ARRDC1: variants seen among roughly 807,000 people sequenced by gnomAD.
The protein encoded by ARRDC1 is arrestin domain containing 1, also known as arrestin domain-containing protein 1.
A neutral mutation model predicts 40.1 loss-of-function variants in ARRDC1; 37 were observed. The observed-to-expected ratio is 0.92, with a 90% CI of 0.71 to 1.21. ARRDC1 has a LOEUF of 1.21. Ranked by LOEUF, ARRDC1 falls within the 50% of genes most tolerant of loss-of-function variation. The probability of loss-of-function intolerance (pLI) is 0.00; values close to 1 mark genes in which losing one functional copy is unlikely to be tolerated. For missense variants in ARRDC1, 641 were observed against 581.9 expected (o/e 1.10, Z -1.04); for synonymous variants, 310 against 262.5 (o/e 1.18, Z -1.75).
Position 137,613,010 on chromosome 9 carries a change from A to G in ARRDC1, c.229+4A>G. 1.2e-6 allele frequency: 2 copies of G among 1,610,976 alleles called. No homozygotes were observed. Among genetic ancestry groups the G allele is most frequent in the Non-Finnish European group, 1.7e-6 (2 of 1,177,586 alleles). On this transcript the variant is annotated splice_donor_region_variant and intron_variant, in intron 2 of 7. Transcript: ENST00000371421. ...TCCCTGTCGCTGGCAGACAAGGGTA[A>G]GTTTGGGAGCCAGTTCCCGAGTGGT...
rs11137150 is a variant in ARRDC1, at chr9:137,609,806, G to A, written c.119-3090G>A. The stretch of plus-strand genomic sequence containing the variant: ...CCCCCAAAGTGTTGGGATTACAGGC[G>A]TGAGCCACTGCGCCCAGCTGTGTCG... On this transcript the variant is annotated intron_variant, in intron 1 of 7. Coordinates refer to ENST00000371421, the MANE Select transcript of ARRDC1 (RefSeq NM_152285.4). Among the ~76,000 whole-genome samples, 427 of 152,028 alleles carry A rather than the reference G, an allele frequency of 2.8e-3. 1 individual carries two copies. The highest frequency in any genetic ancestry group is 2.5e-3 in the Admixed American group (38 of 15,268).
At chr9:137,607,607 G>A (rs900958451) in intron 1 of ARRDC1, among the ~76,000 whole-genome samples, 1 of 152,234 alleles carries the variant, frequency 6.6e-6, no homozygotes, top group Non-Finnish European at 1.5e-5. Flanking sequence ...TGGTGGGCCC[G>A]ATGCAATTCT....
intron 1 of ARRDC1, among the ~76,000 whole-genome samples, chr9:137,607,454 G>A (rs1842443374): frequency 6.6e-6 from 1 of 152,248 alleles, no homozygotes; most frequent in African/African-American, 2.4e-5. Flanking sequence ...CTAAAGGGCT[G>A]ACGCGGAGGG....
chr9:137,614,299 A>G lies in ARRDC1; in HGVS notation c.619A>G (p.Lys207Glu). ...TSPVVASLLQ[K>E]VSYKAKRWIH... is the part of the protein sequence containing the mutation. Reference sequence around the variant, plus strand: ...GGCTCACAGGCTGGTCCTTCCCCAGAAAGTGTCCTATAAGGCCAAGCGCTG... The same window carrying G: ...GGCTCACAGGCTGGTCCTTCCCCAGGAAGTGTCCTATAAGGCCAAGCGCTG... Residue 207 changes from lysine (K) to glutamate (E), a missense_variant and splice_region_variant, in exon 6 of 8, where the codon AAA becomes GAA. By Grantham distance (56) the Lys-to-Glu change is moderately conservative (BLOSUM62 1). Coordinates refer to ENST00000371421, the MANE Select transcript of ARRDC1 (RefSeq NM_152285.4). 6.3e-7 allele frequency: 1 copy of G among 1,589,744 alleles called. No homozygotes were observed. The highest frequency in any genetic ancestry group is 2.2e-5 in the East Asian group (1 of 44,556).
At chr9:137,613,982 G>A (rs1284830724) in intron 4 of ARRDC1, 50 bp from the exon 5 acceptor site, 2 of 1,601,582 alleles carry the variant, frequency 1.2e-6, no homozygotes, top group Non-Finnish European at 1.7e-6. Flanking sequence ...ATGCCACAGG[G>A]ATCCAGCCTG....
intron 1 of ARRDC1, among the ~76,000 whole-genome samples, chr9:137,609,888 C>T (rs931742575): frequency 8.6e-5 from 13 of 151,616 alleles, no homozygotes; most frequent in African/African-American, 3.2e-4. Context: ...TTGGGCTTTC[C>T]CTGCAAGCTC....
intron 1 of ARRDC1, among the ~76,000 whole-genome samples, chr9:137,610,143 C>T (rs1370219885): frequency 1.3e-5 from 2 of 152,166 alleles, no homozygotes; most frequent in African/African-American, 4.8e-5. Flanking sequence ...TGAGGTTGGA[C>T]ATCTGTTCCA....
chr9:137,611,143 C>G (rs1842508724), intron 1 of ARRDC1, among the ~76,000 whole-genome samples: 1 of 152,256 alleles, frequency 6.6e-6, no homozygotes, highest in Non-Finnish European at 1.5e-5. Flanking sequence ...CCATGTGCTT[C>G]TGTTGGGCTG....
rs1288460458 is a variant in ARRDC1 at position 137,613,452 on chromosome 9, C to T, written c.230-8C>T. On this transcript the variant is annotated splice_polypyrimidine_tract_variant and splice_region_variant and intron_variant, in intron 2 of 7. Transcript: ENST00000371421. Reference sequence around the variant, plus strand: ...GGACTGCCCCCCACCTCCCTCCTGTCTCTGCAGGGAGCCTGCCCGCTGGAG... The same window carrying T: ...GGACTGCCCCCCACCTCCCTCCTGTTTCTGCAGGGAGCCTGCCCGCTGGAG... The T allele has an allele frequency of 6.2e-7, 1 of 1,610,736 alleles. No individual in the cohort carries two copies. The highest frequency in any genetic ancestry group is 8.5e-7 in the Non-Finnish European group (1 of 1,179,572).
intron 1 of ARRDC1, among the ~76,000 whole-genome samples, chr9:137,609,679 C>T (rs1336365172): frequency 6.6e-6 from 1 of 152,226 alleles, no homozygotes; most frequent in African/African-American, 2.4e-5. Flanking sequence ...CACGCGCCAC[C>T]ACACCCAGCT....
At chr9:137,608,964 G>C (rs760820680) in intron 1 of ARRDC1, among the ~76,000 whole-genome samples, 1 of 152,222 alleles carries the variant, frequency 6.6e-6, no homozygotes, top group Admixed American at 6.5e-5. Context: ...GGACCCTTAG[G>C]ATGACCCAAG....
At chr9:137,608,900 G>GTGTA (rs1249478785) in intron 1 of ARRDC1, among the ~76,000 whole-genome samples, 1 of 152,200 alleles carries the variant, frequency 6.6e-6, no homozygotes, top group Non-Finnish European at 1.5e-5. Context: ...AAGAGCCTTG[G>GTGTA]TGTATGTGCA....
At chr9:137,609,607 C>G (rs1450393275) in intron 1 of ARRDC1, among the ~76,000 whole-genome samples, 1 of 152,106 alleles carries the variant, frequency 6.6e-6, no homozygotes, top group Admixed American at 6.6e-5. Flanking sequence ...ACAATCTTGG[C>G]TCACTGCAAC....
At position 137,613,547 on chromosome 9, in the gene ARRDC1, A is replaced by T. The variant is rs777623683; in HGVS notation, c.280+37A>T. The T allele has an allele frequency of 3.7e-6, 6 of 1,613,852 alleles. No homozygotes were observed. In the African/African-American group the frequency reaches 6.7e-5, roughly 18 times the overall value. ...GCCTGGACAGGCCTGGTGATGACCA[A>T]CTGGTCCTGGGAGGTGGGCTCTGCA... On this transcript the variant is annotated intron_variant, in intron 3 of 7. Coordinates refer to ENST00000371421, the MANE Select transcript of ARRDC1 (RefSeq NM_152285.4).
chr9:137,606,423 G>GT (rs1564498206), intron 1 of ARRDC1, among the ~76,000 whole-genome samples: 3 of 152,240 alleles, frequency 2.0e-5, no homozygotes, highest in African/African-American at 7.2e-5. Flanking sequence ...TTGGCTGTGA[G>GT]TGCCGCGTCC....
At chr9:137,607,037 A>C (rs1017945266) in intron 1 of ARRDC1, among the ~76,000 whole-genome samples, 1 of 152,218 alleles carries the variant, frequency 6.6e-6, no homozygotes, top group African/African-American at 2.4e-5. Context: ...CACGCCTGTA[A>C]TCCCAGCACT....
intron 1 of ARRDC1, among the ~76,000 whole-genome samples, chr9:137,608,462 G>T (rs1436604204): frequency 6.6e-6 from 1 of 152,204 alleles, no homozygotes; most frequent in African/African-American, 2.4e-5. Context: ...CGAAAGGCTC[G>T]GTTCCCTTCA....
At position 137,615,242 on chromosome 9, in the gene ARRDC1, G is replaced by A; in HGVS notation, c.*104G>A. The A allele has an allele frequency of 8.9e-7, 1 of 1,121,160 alleles. No individual in the cohort carries two copies. 69.5% of individuals were successfully genotyped at this position (1,121,160 alleles called of 1,614,324 possible). A position where few individuals can be genotyped will look rare whatever the true frequency, so the allele number is the denominator to read the frequency against. ...GCCTAGCCTGGCCCACTCAGGACCT[G>A]CCCAGCCTCTGCCAGCTCCTCTGGC... On this transcript the variant is annotated 3_prime_UTR_variant, in exon 8 of 8. Transcript: ENST00000371421.
intron 1 of ARRDC1, among the ~76,000 whole-genome samples, chr9:137,610,649 C>T (rs575498034): frequency 5.3e-5 from 8 of 150,974 alleles, no homozygotes; most frequent in Non-Finnish European, 1.0e-4. Flanking sequence ...CTGCAACCTC[C>T]GCCTCCCAGG....
Sources: gnomAD v4.1 joint callset for allele counts (sites outside exome capture counted in the v4.1 genomes callset) on GRCh38, gnomAD v4.1.1 for gene constraint, MANE v1.5 for transcripts, NCBI Gene and HGNC (gene_info 2026-07-23, HGNC 2026-07-21) for gene names.